RAB10: variants seen among roughly 807,000 people sequenced by gnomAD.
The protein encoded by RAB10 is RAB10, member RAS oncogene family.
RAB10 carries 5 observed loss-of-function variants against 25.7 expected under a neutral mutation model. The observed-to-expected ratio is 0.19, with a 90% CI of 0.10 to 0.41. RAB10 has a LOEUF of 0.41. RAB10 is among the 10% of genes least tolerant of loss of function. RAB10 has a pLI of 1.00. For synonymous variants in RAB10, 89 were observed against 86.4 expected, an observed-to-expected ratio of 1.03 and a Z score of -0.16; for missense variants, 103 against 245.8, an observed-to-expected ratio of 0.42 and a Z score of 3.89.
At chr2:26,100,398 A>G (rs531631488) in intron 2 of RAB10, among the ~76,000 whole-genome samples, 1 of 152,348 alleles carries the variant, frequency 6.6e-6, no homozygotes, top group African/African-American at 2.4e-5. Context: ...CAAGACAATG[A>G]GAATAGAATT....
At chr2:26,102,483 G>A (rs1257181323) in intron 2 of RAB10, among the ~76,000 whole-genome samples, 1 of 141,862 alleles carries the variant, frequency 7.0e-6, no homozygotes, top group African/African-American at 2.7e-5. Context: ...CTGTCACCCA[G>A]GCTGGAGTGC....
At chr2:26,119,408 CAAAA>C (rs555600804) in intron 3 of RAB10, among the ~76,000 whole-genome samples, 7 of 144,312 alleles carry the variant, frequency 4.9e-5, no homozygotes, top group African/African-American at 1.8e-4. Context: ...GACCCTGTCT[CAAAA>C]AAAAAATAAA....
At chr2:26,055,857 A>G (rs1666251145) in intron 1 of RAB10, among the ~76,000 whole-genome samples, 1 of 151,230 alleles carries the variant, frequency 6.6e-6, no homozygotes, top group Admixed American at 6.6e-5. Context: ...CTTACCTTAC[A>G]TAGTTATTGT....
intron 5 of RAB10, among the ~76,000 whole-genome samples, chr2:26,130,064 G>GGAC (rs1300079827): frequency 6.6e-6 from 1 of 152,020 alleles, no homozygotes; most frequent in African/African-American, 2.4e-5. Context: ...GTGGTAAGGG[G>GGAC]GACGGATCAT....
At chr2:26,073,074 C>T (rs1666661975) in intron 1 of RAB10, among the ~76,000 whole-genome samples, 1 of 152,158 alleles carries the variant, frequency 6.6e-6, no homozygotes, top group South Asian at 2.1e-4. Context: ...TGAGATTTAT[C>T]TCAAGCTTAT....
intron 3 of RAB10, among the ~76,000 whole-genome samples, chr2:26,122,132 T>C (rs1667817086): frequency 6.6e-6 from 1 of 152,198 alleles, no homozygotes; most frequent in Non-Finnish European, 1.5e-5. Flanking sequence ...ATATGTACTG[T>C]AGAATGAGGT....
chr2:26,054,980 TAA>T (rs5829992), intron 1 of RAB10, among the ~76,000 whole-genome samples: 5 of 143,838 alleles, frequency 3.5e-5, no homozygotes, highest in South Asian at 2.2e-4. Flanking sequence ...GACCCCACCT[TAA>T]AAAAAAAAAA....
chr2:26,065,224 A>C (rs942350126), intron 1 of RAB10, among the ~76,000 whole-genome samples: 3 of 152,114 alleles, frequency 2.0e-5, no homozygotes, highest in Non-Finnish European at 4.4e-5. Flanking sequence ...AGAAAAAAAG[A>C]AAAAGAAAAA....
chr2:26,055,288 A>G (rs1267064510), intron 1 of RAB10, among the ~76,000 whole-genome samples: 1 of 151,866 alleles, frequency 6.6e-6, no homozygotes, highest in African/African-American at 2.4e-5. Context: ...CTTCTAAGAC[A>G]TTTTACATTG....
chr2:26,082,564 T>G (rs1408493955), intron 1 of RAB10, among the ~76,000 whole-genome samples: 2 of 152,164 alleles, frequency 1.3e-5, no homozygotes, highest in African/African-American at 4.8e-5. Context: ...TTAACAGTCC[T>G]CTCTTAGTAA....
chr2:26,114,737 CAAAAA>C (rs58252306), intron 3 of RAB10, among the ~76,000 whole-genome samples: 1 of 66,064 alleles, frequency 1.5e-5, no homozygotes, highest in South Asian at 4.2e-4. Flanking sequence ...CAAAAATATA[CAAAAA>C]AAAAAAAAAA....
At chr2:26,127,087 G>GA in intron 3 of RAB10, 57 bp from the exon 4 acceptor site, 1 of 1,291,616 alleles carries the variant, frequency 7.7e-7, no homozygotes, top group Non-Finnish European at 1.1e-6. Flanking sequence ...CACTTTTAAA[G>GA]ACTGTTAAGC....
At chr2:26,096,392 G>C (rs892874454) in intron 1 of RAB10, among the ~76,000 whole-genome samples, 3 of 147,054 alleles carry the variant, frequency 2.0e-5, no homozygotes, top group Non-Finnish European at 4.5e-5. Context: ...CATAGTGGGT[G>C]GGTGGGCGGA....
chr2:26,060,400 C>A (rs1406643588), intron 1 of RAB10, among the ~76,000 whole-genome samples: 4 of 152,184 alleles, frequency 2.6e-5, no homozygotes, highest in Non-Finnish European at 5.9e-5. Context: ...TCACGCCATT[C>A]TCCTGCCTCA....
intron 1 of RAB10, among the ~76,000 whole-genome samples, chr2:26,065,459 TCAACAA>T (rs1433119760): frequency 3.3e-5 from 5 of 151,480 alleles, no homozygotes; most frequent in South Asian, 4.2e-4. Flanking sequence ...GCTTTTGTTT[TCAACAA>T]CTACAGTTTG....
chr2:26,127,255 A>G (rs747611649), intron 4 of RAB10, 22 bp downstream of exon 4: 75 of 1,506,280 alleles, frequency 5.0e-5, no homozygotes, highest in Non-Finnish European at 9.1e-7. Flanking sequence ...AATTAAACTG[A>G]TACTCTGCTC....
chr2:26,127,568 G>T (rs1667929721), intron 4 of RAB10, among the ~76,000 whole-genome samples: 1 of 152,180 alleles, frequency 6.6e-6, no homozygotes. Flanking sequence ...GGAGCCTATG[G>T]TGAGCAGAAA....
At chr2:26,106,908 A>G (rs991521864) in intron 2 of RAB10, among the ~76,000 whole-genome samples, 1 of 151,488 alleles carries the variant, frequency 6.6e-6, no homozygotes, top group African/African-American at 2.4e-5. Flanking sequence ...AAGACCCATA[A>G]GGCTTTTAGA....
At chr2:26,128,086 C>A in intron 5 of RAB10, 135 bp downstream of exon 5, 2 of 741,886 alleles carry the variant, frequency 2.7e-6, no homozygotes, top group Middle Eastern at 2.4e-4. Flanking sequence ...AGTCCCCAGC[C>A]TTTTTGGCAC....
Sources: gnomAD v4.1 joint callset for allele counts (sites outside exome capture counted in the v4.1 genomes callset) on GRCh38, gnomAD v4.1.1 for gene constraint, MANE v1.5 for transcripts, NCBI Gene and HGNC (gene_info 2026-07-23, HGNC 2026-07-21) for gene names.